The following CBY2 variants were observed in gnomAD, a reference collection of about 807,000 sequenced individuals.
CBY2 encodes the protein protein chibby homolog 2.
In CBY2, 23 loss-of-function variants were observed where a neutral mutation model predicts 25.3. The observed-to-expected ratio is 0.91, with a 90% CI of 0.65 to 1.29. The LOEUF (loss-of-function observed/expected upper bound fraction) is 1.29, where lower values mean the gene tolerates loss of function less well. Among genes scored for constraint, CBY2 ranks in the 50% most tolerant of loss-of-function variants. CBY2 has a pLI of 0.00. For missense variants in CBY2, 642 were observed against 590.7 expected, an observed-to-expected ratio of 1.09 and a Z score of -0.90; for synonymous variants, 279 against 260.2, an observed-to-expected ratio of 1.07 and a Z score of -0.70.
intron 2 of CBY2, among the ~76,000 whole-genome samples, chr13:45,712,287 A>G (rs1950275594): frequency 6.6e-6 from 1 of 152,244 alleles, no homozygotes; most frequent in African/African-American, 2.4e-5. Context: ...GAGTAAATGC[A>G]ATTATCCCAA....
chr13:45,705,558 A>G (rs924228148), intron 2 of CBY2, among the ~76,000 whole-genome samples: 4 of 152,260 alleles, frequency 2.6e-5, no homozygotes, highest in African/African-American at 7.2e-5. Flanking sequence ...AACATACTAC[A>G]TATGACATCT....
chr13:45,704,207 G>A lies in CBY2; in HGVS notation c.156+1352G>A, dbSNP rs1190985069. On this transcript the variant is annotated intron_variant, in intron 2 of 2. Transcript: ENST00000310521. The surrounding 1 kb of genome is among the most constrained non-coding windows in gnomAD (Gnocchi z 4.1). ...AATGATGTTTCCATCAACACCCACC[G>A]CAACTTTCCCTCCCCAGCTCCCAGA... is the stretch of plus-strand genomic sequence containing the variant. Among the ~76,000 whole-genome samples, 4 of 152,168 alleles carry A rather than the reference G, an allele frequency of 2.6e-5. No individual in the cohort carries two copies. In the South Asian group the frequency reaches 6.2e-4, roughly 24 times the overall value.
intron 2 of CBY2, chr13:45,703,113 T>C: frequency 7.7e-6 from 10 of 1,301,146 alleles, no homozygotes; most frequent in Non-Finnish European, 9.8e-6. Context: ...ACATTCCAAG[T>C]TTCTATGATA....
chr13:45,702,602 A>T (rs550032174), intron 1 of CBY2, 137 bp downstream of exon 1: 19 of 905,648 alleles, frequency 2.1e-5, no homozygotes, highest in Non-Finnish European at 3.4e-5. Flanking sequence ...AGATTGATAA[A>T]CCATCATGCC....
Position 45,713,638 on chromosome 13 carries a change from G to C in CBY2, c.613G>C (p.Ala205Pro). ...ILQVFWEEHKASLGREESRAP... is the reference protein window; with the variant it reads ...ILQVFWEEHKPSLGREESRAP... ...ACAGGTCTTCTGGGAGGAGCACAAGGCCTCGCTGGGCCGAGAGGAGAGCCG... is the reference window on the plus strand; with the variant it reads ...ACAGGTCTTCTGGGAGGAGCACAAGCCCTCGCTGGGCCGAGAGGAGAGCCG... Residue 205 changes from alanine to proline, a missense_variant, in exon 3 of 3, where the codon GCC becomes CCC. Ala to Pro is a conservative substitution (Grantham distance 27). Coordinates refer to ENST00000310521, the MANE Select transcript of CBY2 (RefSeq NM_152719.3). The surrounding 1 kb of genome is among the most constrained non-coding windows in gnomAD (Gnocchi z 5.0). 2 of 1,613,612 alleles carry C rather than the reference G, an allele frequency of 1.2e-6. No individual in the cohort carries two copies. The highest frequency in any genetic ancestry group is 1.7e-6 in the Non-Finnish European group (2 of 1,179,992).
intron 2 of CBY2, among the ~76,000 whole-genome samples, chr13:45,706,393 T>C (rs1473366920): frequency 6.6e-6 from 1 of 152,194 alleles, no homozygotes; most frequent in East Asian, 1.9e-4. Flanking sequence ...TGGCCCTTCC[T>C]GGATCCCTGT....
In CBY2 at chr13:45,714,039, C is replaced by T. The variant is rs1487247678; in HGVS notation, c.1014C>T (p.Ser338=). 16 of 1,493,892 alleles carry T rather than the reference C, an allele frequency of 1.1e-5. No homozygotes were observed. The highest frequency in any genetic ancestry group is 1.3e-5 in the Non-Finnish European group (15 of 1,121,098). 92.5% of individuals were successfully genotyped at this position (1,493,892 alleles called of 1,614,324 possible). A position where few individuals can be genotyped will look rare whatever the true frequency, so the allele number is the denominator to read the frequency against. The change falls in exon 3 of 3, where the codon TCC becomes TCT. Residue 338 remains serine, a synonymous_variant. Coordinates refer to ENST00000310521, the MANE Select transcript of CBY2 (RefSeq NM_152719.3). ...TGGTCAGCAACATGTCCGGGCCCTCCGGGGAGGAGGAGGCCAAGGTGGGCC... is the reference window on the plus strand; with the variant it reads ...TGGTCAGCAACATGTCCGGGCCCTCTGGGGAGGAGGAGGCCAAGGTGGGCC... ...RKMVSNMSGP[S]GEEEAKVGPG... is the part of the protein sequence containing the mutation.
Position 45,713,443 on chromosome 13 carries a change from T to C in CBY2, c.418T>C (p.Cys140Arg), listed in dbSNP as rs778353276. 2 of 1,614,214 alleles carry C rather than the reference T, an allele frequency of 1.2e-6. No individual in the cohort carries two copies. Among genetic ancestry groups the C allele is most frequent in the Non-Finnish European group, 1.7e-6 (2 of 1,180,032 alleles). The change falls in exon 3 of 3, where the codon TGC becomes CGC. Residue 140 changes from cysteine to arginine, a missense_variant. Coordinates refer to ENST00000310521, the MANE Select transcript of CBY2 (RefSeq NM_152719.3). The surrounding 1 kb of genome is among the most constrained non-coding windows in gnomAD (Gnocchi z 5.0). ...FQDGRWVNEN[C>R]RLQSPYFSPS... ...GGACGGGCGCTGGGTAAATGAGAAC[T>C]GCCGCCTGCAGTCTCCCTACTTCTC...
chr13:45,706,635 T>C (rs2137503219), intron 2 of CBY2, among the ~76,000 whole-genome samples: 1 of 152,330 alleles, frequency 6.6e-6, no homozygotes, highest in Middle Eastern at 3.4e-3. Flanking sequence ...GACAATCTTT[T>C]ATTTTCATGG....
rs1442918331 is a variant in CBY2 at position 45,713,631 on chromosome 13, G to A, written c.606G>A (p.Glu202=). 3.1e-6 allele frequency: 5 copies of A among 1,613,518 alleles called. No homozygotes were observed. The highest frequency in any genetic ancestry group is 4.2e-6 in the Non-Finnish European group (5 of 1,179,904). ...AGATCCTACAGGTCTTCTGGGAGGA[G>A]CACAAGGCCTCGCTGGGCCGAGAGG... ...ENKILQVFWE[E]HKASLGREES... Residue 202 remains glutamate (E), a synonymous_variant, in exon 3 of 3, where the codon GAG becomes GAA. Transcript: ENST00000310521. This position sits in a 1 kb window ranked among gnomAD's most constrained non-coding sequence, Gnocchi z 5.0.
rs779910893 is a variant in CBY2, at chr13:45,713,554, G to C, written c.529G>C (p.Glu177Gln). ...MLQEENKSLR[E>Q]ENKALREENR... ...GCAGGAGGAGAACAAGTCTCTGCGG[G>C]AGGAGAACAAGGCCCTGCGCGAGGA... The change falls in exon 3 of 3, where the codon GAG becomes CAG. Residue 177 changes from glutamate to glutamine, a missense_variant. Physicochemically the swap from Glu to Gln is conservative, Grantham distance 29 (BLOSUM62 2). Transcript: ENST00000310521. This position sits in a 1 kb window ranked among gnomAD's most constrained non-coding sequence, Gnocchi z 5.0. The C allele has an allele frequency of 3.9e-5, 63 of 1,614,068 alleles. No individual in the cohort carries two copies. Among genetic ancestry groups the C allele is most frequent in the Non-Finnish European group, 5.1e-5 (60 of 1,180,038 alleles).
Position 45,713,890 on chromosome 13 carries a change from G to T in CBY2, c.865G>T (p.Glu289Ter). Residue 289 changes from glutamate (E) to a stop codon, truncating the protein, a stop_gained, in exon 3 of 3, where the codon GAG (glutamate) becomes TAG (stop). Transcript: ENST00000310521. LOFTEE classifies it high-confidence loss of function. This position sits in a 1 kb window ranked among gnomAD's most constrained non-coding sequence, Gnocchi z 5.0. ...AAGCAAGCCCGCCCCCTCACCCCAC[G>T]AGGAGCCCTGCAGCCCCGGGCTGCT... ...EESKPAPSPH[E>*]EPCSPGLLQD... The T allele has an allele frequency of 6.5e-7, 1 of 1,532,888 alleles. No individual in the cohort carries two copies. Among genetic ancestry groups the T allele is most frequent in the Non-Finnish European group, 8.7e-7 (1 of 1,144,252 alleles). 95.0% of individuals were successfully genotyped at this position (1,532,888 alleles called of 1,614,324 possible). A position where few individuals can be genotyped will look rare whatever the true frequency, so the allele number is the denominator to read the frequency against.
In CBY2 at chr13:45,713,394, C is replaced by T. The variant is rs991166721; in HGVS notation, c.369C>T (p.Leu123=). ...ELDYNPPRVQ[L]SDEMFVFQDG... ...ACTACAACCCGCCGCGGGTGCAGCTCAGCGACGAGATGTTCGTGTTCCAGG... is the reference window on the plus strand; with the variant it reads ...ACTACAACCCGCCGCGGGTGCAGCTTAGCGACGAGATGTTCGTGTTCCAGG... Residue 123 remains leucine, a synonymous_variant, in exon 3 of 3, where the codon CTC becomes CTT. Transcript: ENST00000310521. The surrounding 1 kb of genome is among the most constrained non-coding windows in gnomAD (Gnocchi z 5.0). The T allele has an allele frequency of 8.1e-6, 13 of 1,614,184 alleles. No individual in the cohort carries two copies. In the South Asian group the frequency reaches 1.3e-4, roughly 16 times the overall value.
Position 45,713,996 on chromosome 13 carries a change from T to C in CBY2, c.971T>C (p.Leu324Pro). ...PPARQEDSKELRALRKMVSNM... is the reference protein window; with the variant it reads ...PPARQEDSKEPRALRKMVSNM... ...GCCCGGCAGGAGGACTCCAAGGAGCTGCGCGCCCTGCGGAAGATGGTCAGC... is the reference window on the plus strand; with the variant it reads ...GCCCGGCAGGAGGACTCCAAGGAGCCGCGCGCCCTGCGGAAGATGGTCAGC... Residue 324 changes from leucine to proline, a missense_variant, in exon 3 of 3, where the codon CTG (leucine) becomes CCG (proline). By Grantham distance (98) the Leu-to-Pro change is moderately conservative (BLOSUM62 -3). Coordinates refer to ENST00000310521, the MANE Select transcript of CBY2 (RefSeq NM_152719.3). This position sits in a 1 kb window ranked among gnomAD's most constrained non-coding sequence, Gnocchi z 5.0. 6.7e-7 allele frequency: 1 copy of C among 1,495,116 alleles called. No homozygotes were observed. Among genetic ancestry groups the C allele is most frequent in the Non-Finnish European group, 8.9e-7 (1 of 1,124,188 alleles). 92.6% of individuals were successfully genotyped at this position (1,495,116 alleles called of 1,614,324 possible). A position where few individuals can be genotyped will look rare whatever the true frequency, so the allele number is the denominator to read the frequency against.
intron 2 of CBY2, among the ~76,000 whole-genome samples, chr13:45,707,602 G>A (rs1489336300): frequency 6.6e-6 from 1 of 152,176 alleles, no homozygotes; most frequent in Non-Finnish European, 1.5e-5. Flanking sequence ...CAAGACTTGG[G>A]ATGTCACAAA....
chr13:45,703,212 T>A, intron 2 of CBY2: 1 of 1,257,168 alleles, frequency 8.0e-7, no homozygotes, highest in South Asian at 2.3e-5. Context: ...GAATTAGAAC[T>A]GGGACTTGAA....
Position 45,704,144 on chromosome 13 carries a change from G to A in CBY2, c.156+1289G>A, listed in dbSNP as rs1950227126. Among the ~76,000 whole-genome samples, 2 of 152,122 alleles carry A rather than the reference G, an allele frequency of 1.3e-5. No individual in the cohort carries two copies. The highest frequency in any genetic ancestry group is 4.8e-5 in the African/African-American group (2 of 41,436). ...GGGGTGGGTGTGAAGGAGGGGGTAGGATTTGAAAGAGTAGTGGTCATGTGA... is the reference window on the plus strand; with the variant it reads ...GGGGTGGGTGTGAAGGAGGGGGTAGAATTTGAAAGAGTAGTGGTCATGTGA... On this transcript the variant is annotated intron_variant, in intron 2 of 2. Coordinates refer to ENST00000310521, the MANE Select transcript of CBY2 (RefSeq NM_152719.3). The surrounding 1 kb of genome is among the most constrained non-coding windows in gnomAD (Gnocchi z 4.1).
intron 2 of CBY2, among the ~76,000 whole-genome samples, chr13:45,710,159 T>A (rs1457230450): frequency 6.6e-6 from 1 of 152,198 alleles, no homozygotes. Flanking sequence ...TTTTTCCATG[T>A]TGATAGCTTC....
At position 45,714,285 on chromosome 13, in the gene CBY2, C is replaced by A. The variant is rs931567645; in HGVS notation, c.1260C>A (p.Val420=). The change falls in exon 3 of 3, where the codon GTC becomes GTA. Residue 420 remains valine, a synonymous_variant. Coordinates refer to ENST00000310521, the MANE Select transcript of CBY2 (RefSeq NM_152719.3). ...TGGTCATTGACACCGTGACCGAGGT[C>A]ACCGCGCGCATGGAAATGCTCATCG... ...QKLVIDTVTE[V]TARMEMLIEE... 3.7e-6 allele frequency: 6 copies of A among 1,613,050 alleles called. No individual in the cohort carries two copies. The highest frequency in any genetic ancestry group is 5.1e-6 in the Non-Finnish European group (6 of 1,179,900).
Sources: gnomAD v4.1 joint callset for allele counts (sites outside exome capture counted in the v4.1 genomes callset) on GRCh38, gnomAD v4.1.1 for gene constraint, Gnocchi (gnomAD v3.1) non-coding constraint, MANE v1.5 for transcripts, NCBI Gene and HGNC (gene_info 2026-07-23, HGNC 2026-07-21) for gene names.